MDGA2: variants seen among roughly 807,000 people sequenced by gnomAD.
The protein encoded by MDGA2 is MAM domain-containing glycosylphosphatidylinositol anchor protein 2.
A neutral mutation model predicts 117.8 loss-of-function variants in MDGA2; 40 were observed. That is an observed-to-expected ratio of 0.34 (90% CI 0.26 to 0.44). MDGA2 has a LOEUF of 0.44. Ranked by LOEUF, MDGA2 falls within the 20% of genes least tolerant of loss-of-function variation. The pLI, the probability that MDGA2 is intolerant of heterozygous loss-of-function variation, is 1.00. For missense variants in MDGA2, 1,123 were observed against 1,250.6 expected, an observed-to-expected ratio of 0.90 and a Z score of 1.54; for synonymous variants, 452 against 439.0, an observed-to-expected ratio of 1.03 and a Z score of -0.37.
intron 2 of MDGA2, among the ~76,000 whole-genome samples, chr14:47,289,181 C>T (rs115615215): frequency 0.028 from 4,232 of 151,482 alleles, 193 homozygotes; most frequent in African/African-American, 0.096. Flanking sequence ...ATGTGCTAAC[C>T]AAAAGTGAAA....
intron 1 of MDGA2, among the ~76,000 whole-genome samples, chr14:47,531,427 C>A (rs903023830): frequency 1.3e-5 from 2 of 152,292 alleles, no homozygotes; most frequent in Middle Eastern, 3.4e-3. Flanking sequence ...AAAGACAATA[C>A]TAGCAGCGAC....
chr14:47,327,418 G>A (rs149404816), intron 1 of MDGA2, among the ~76,000 whole-genome samples: 2 of 152,266 alleles, frequency 1.3e-5, no homozygotes, highest in Admixed American at 6.5e-5. Context: ...CTACATGAGT[G>A]TAAGAAACAA....
At chr14:47,564,133 G>T (rs1310061822) in intron 1 of MDGA2, among the ~76,000 whole-genome samples, 1 of 152,160 alleles carries the variant, frequency 6.6e-6, no homozygotes, top group Non-Finnish European at 1.5e-5. Flanking sequence ...CTGTTAGCCT[G>T]ATGGGGTTCC....
At chr14:47,033,153 T>C (rs932624964) in intron 8 of MDGA2, among the ~76,000 whole-genome samples, 12 of 152,214 alleles carry the variant, frequency 7.9e-5, no homozygotes, top group Non-Finnish European at 7.3e-5. Flanking sequence ...TAAAATCTTA[T>C]GCTGAATTTA....
chr14:47,469,878 G>T (rs1893685016), intron 1 of MDGA2, among the ~76,000 whole-genome samples: 1 of 152,046 alleles, frequency 6.6e-6, no homozygotes, highest in Admixed American at 6.6e-5. Context: ...TGTTATATTA[G>T]AAGGGCAGCC....
chr14:46,960,802 A>ATAT (rs200964540), intron 8 of MDGA2, among the ~76,000 whole-genome samples: 17,463 of 149,450 alleles, frequency 0.12, 1,952 homozygotes, highest in African/African-American at 0.27. Context: ...AGAATTATAC[A>ATAT]TATGTATACA....
At chr14:47,277,242 C>T (rs1888337833) in intron 2 of MDGA2, among the ~76,000 whole-genome samples, 1 of 152,188 alleles carries the variant, frequency 6.6e-6, no homozygotes, top group South Asian at 2.1e-4. Flanking sequence ...TGTTAATCCT[C>T]ATCTCAGAAA....
chr14:47,200,979 GT>G (rs1885483564), intron 3 of MDGA2: 2 of 831,456 alleles, frequency 2.4e-6, no homozygotes, highest in Non-Finnish European at 4.3e-6. Context: ...TGCCAGAAAT[GT>G]TGATGCCTTC....
At chr14:47,038,722 A>C (rs1445839102) in intron 7 of MDGA2, among the ~76,000 whole-genome samples, 1 of 151,854 alleles carries the variant, frequency 6.6e-6, no homozygotes, top group Non-Finnish European at 1.5e-5. Flanking sequence ...CAGATCACAA[A>C]GTCAGGAGAT....
intron 3 of MDGA2, among the ~76,000 whole-genome samples, chr14:47,188,190 G>A (rs1413382054): frequency 6.6e-6 from 1 of 152,096 alleles, no homozygotes; most frequent in Non-Finnish European, 1.5e-5. Context: ...TCATGTCTTT[G>A]TATAAGCTTT....
At chr14:47,193,227 C>T (rs1885176054) in intron 3 of MDGA2, among the ~76,000 whole-genome samples, 1 of 152,166 alleles carries the variant, frequency 6.6e-6, no homozygotes, top group Non-Finnish European at 1.5e-5. Context: ...GTCATAATAG[C>T]AACAGTAACA....
At chr14:47,055,760 A>G (rs1889652784) in intron 7 of MDGA2, among the ~76,000 whole-genome samples, 1 of 152,132 alleles carries the variant, frequency 6.6e-6, no homozygotes. Context: ...TTATTGGAAC[A>G]CAGCTGTGCC....
intron 3 of MDGA2, among the ~76,000 whole-genome samples, chr14:47,181,988 C>T (rs1884727388): frequency 6.6e-6 from 1 of 151,990 alleles, no homozygotes; most frequent in Non-Finnish European, 1.5e-5. Flanking sequence ...CTTCTAATTG[C>T]CTACATTTAG....
At chr14:46,894,247 G>A (rs139488312) in intron 10 of MDGA2, among the ~76,000 whole-genome samples, 2 of 152,118 alleles carry the variant, frequency 1.3e-5, no homozygotes, top group East Asian at 3.9e-4. Flanking sequence ...CATACAGTTG[G>A]TAAGAAGCAG....
intron 1 of MDGA2, among the ~76,000 whole-genome samples, chr14:47,332,649 T>A (rs1305980501): frequency 6.6e-6 from 1 of 151,946 alleles, no homozygotes; most frequent in South Asian, 2.1e-4. Flanking sequence ...AAAACAAAAA[T>A]TAAATAACAA....
chr14:47,477,037 C>T (rs1893857825), intron 1 of MDGA2, among the ~76,000 whole-genome samples: 1 of 152,210 alleles, frequency 6.6e-6, no homozygotes, highest in Non-Finnish European at 1.5e-5. Flanking sequence ...TGGCGCACGC[C>T]TGTAATCCCA....
At chr14:46,839,817 T>C (rs1050552487), downstream of MDGA2, among the ~76,000 whole-genome samples, 9 of 151,972 alleles carry the variant, frequency 5.9e-5, no homozygotes, top group Non-Finnish European at 1.2e-4. Flanking sequence ...ACTACCTAAA[T>C]ATTCAAACTG....
rs563880259 is a variant in MDGA2, at chr14:46,892,416, G to A, written c.2239-10195C>T. 1.3e-5 allele frequency among the ~76,000 whole-genome samples: 2 copies of A among 151,872 alleles called. 1 individual carries two copies. Among genetic ancestry groups the A allele is most frequent in the South Asian group, 4.1e-4 (2 of 4,832 alleles). On this transcript the variant is annotated intron_variant, in intron 10 of 16. Transcript: ENST00000399232. ...AAGCTATACAATCCTAGAAGAAAAAGGGATGGAAGCCCCTTGGTATTGGCT... is the reference window on the plus strand; with the variant it reads ...AAGCTATACAATCCTAGAAGAAAAAAGGATGGAAGCCCCTTGGTATTGGCT...
At chr14:47,224,374 G>C (rs1424066120) in intron 2 of MDGA2, among the ~76,000 whole-genome samples, 1 of 144,176 alleles carries the variant, frequency 6.9e-6, no homozygotes, top group African/African-American at 2.5e-5. Flanking sequence ...AATTAAATCT[G>C]TATTGACTGA....
Sources: allele counts gnomAD v4.1 joint callset (sites outside exome capture counted in the v4.1 genomes callset), GRCh38; gene constraint gnomAD v4.1.1; transcripts MANE v1.5; gene names NCBI Gene and HGNC (gene_info 2026-07-23, HGNC 2026-07-21).